Variants in PCSK5 observed in about 807,000 individuals in gnomAD.
PCSK5 encodes the protein prohormone convertase 5.
A neutral mutation model predicts 233.2 loss-of-function variants in PCSK5; 129 were observed. The ratio of observed to expected loss-of-function variants is 0.55; its 90% confidence interval spans 0.48 to 0.64. PCSK5 has a LOEUF of 0.64. Ranked by LOEUF, PCSK5 falls within the 30% of genes least tolerant of loss-of-function variation. The pLI, the probability that PCSK5 is intolerant of heterozygous loss-of-function variation, is 0.00. For missense variants in PCSK5, 2,076 were observed against 2,430.1 expected (o/e 0.85, Z 3.06); for synonymous variants, 825 against 879.2 (o/e 0.94, Z 1.09).
At chr9:76,188,548 TGTTTGAA>T (rs1564092742) in intron 17 of PCSK5, 23 bp from the exon 18 acceptor site, 2 of 1,472,468 alleles carry the variant, frequency 1.4e-6, no homozygotes, top group South Asian at 2.3e-5. Flanking sequence ...CACAACAGTC[TGTTTGAA>T]GCTCCCTTTA....
At chr9:76,008,309 A>G (rs535398196) in intron 3 of PCSK5, among the ~76,000 whole-genome samples, 155 of 152,028 alleles carry the variant, frequency 1.0e-3, no homozygotes, top group Non-Finnish European at 1.7e-3. Flanking sequence ...TAAAAATTTC[A>G]TAGTTTCTCT....
At chr9:75,957,092 A>C (rs1825127913) in intron 2 of PCSK5, among the ~76,000 whole-genome samples, 1 of 152,086 alleles carries the variant, frequency 6.6e-6, no homozygotes, top group Non-Finnish European at 1.5e-5. Flanking sequence ...CTTACCCATC[A>C]GCGAGTTATA....
intron 4 of PCSK5, among the ~76,000 whole-genome samples, 200 bp from the exon 5 acceptor site, chr9:76,026,761 G>A (rs1321605201): frequency 6.6e-6 from 1 of 152,094 alleles, no homozygotes; most frequent in Non-Finnish European, 1.5e-5. Flanking sequence ...CCTTAAGGGG[G>A]AAAAATATGG....
chr9:76,060,219 A>G (rs1258853948), intron 5 of PCSK5, among the ~76,000 whole-genome samples: 1 of 152,198 alleles, frequency 6.6e-6, no homozygotes, highest in African/African-American at 2.4e-5. Flanking sequence ...TATATCTTTT[A>G]ACTTCCCCCA....
At chr9:76,042,800 A>T (rs1330164559) in intron 5 of PCSK5, among the ~76,000 whole-genome samples, 1 of 152,214 alleles carries the variant, frequency 6.6e-6, no homozygotes, top group East Asian at 1.9e-4. Context: ...AAACTTACAT[A>T]AAGTATTAGC....
chr9:76,282,746 A>T (rs927798740), intron 24 of PCSK5, among the ~76,000 whole-genome samples: 1 of 152,154 alleles, frequency 6.6e-6, no homozygotes, highest in Admixed American at 6.5e-5. Context: ...TGAGCATAGT[A>T]CCCAATAGGT....
intron 36 of PCSK5, among the ~76,000 whole-genome samples, chr9:76,352,350 A>G (rs535794800): frequency 6.6e-6 from 1 of 152,284 alleles, no homozygotes; most frequent in Admixed American, 6.5e-5. Flanking sequence ...CTTTACTGCA[A>G]GCTGTTTTAT....
At chr9:75,998,848 C>T (rs142317981) in intron 3 of PCSK5, among the ~76,000 whole-genome samples, 92 of 152,214 alleles carry the variant, frequency 6.0e-4, no homozygotes, top group African/African-American at 2.1e-3. Flanking sequence ...CATTCATCAC[C>T]GAATAGCCTA....
intron 3 of PCSK5, among the ~76,000 whole-genome samples, chr9:76,003,843 CTG>C (rs1415553877): frequency 3.3e-5 from 5 of 152,066 alleles, no homozygotes; most frequent in African/African-American, 1.2e-4. Flanking sequence ...AGGTCTCACT[CTG>C]TCACCCAGGC....
intron 25 of PCSK5, among the ~76,000 whole-genome samples, 170 bp from the exon 26 acceptor site, chr9:76,295,105 G>T (rs1326917544): frequency 6.6e-6 from 1 of 152,052 alleles, no homozygotes; most frequent in African/African-American, 2.4e-5. Flanking sequence ...AGTGAGCCGA[G>T]ATCGACCACT....
At chr9:76,163,078 T>C (rs1822938640) in intron 12 of PCSK5, among the ~76,000 whole-genome samples, 1 of 152,194 alleles carries the variant, frequency 6.6e-6, no homozygotes, top group Non-Finnish European at 1.5e-5. Flanking sequence ...AGGACAGTGC[T>C]CTCCTTTTCA....
At chr9:75,893,999 C>A (rs557236355) in intron 1 of PCSK5, among the ~76,000 whole-genome samples, 1 of 152,182 alleles carries the variant, frequency 6.6e-6, no homozygotes. Flanking sequence ...CCTTTCAACA[C>A]TTTAGACATC....
chr9:76,229,872 G>A (rs1173495795), intron 21 of PCSK5, among the ~76,000 whole-genome samples: 2 of 152,162 alleles, frequency 1.3e-5, no homozygotes, highest in Non-Finnish European at 2.9e-5. Context: ...GTTTGGTCTG[G>A]AATGGTTCAC....
At chr9:76,285,220 T>C (rs1828026211) in intron 24 of PCSK5, among the ~76,000 whole-genome samples, 1 of 152,106 alleles carries the variant, frequency 6.6e-6, no homozygotes, top group South Asian at 2.1e-4. Context: ...AGCCCCTAGT[T>C]TGGTAGAGCA....
chr9:76,094,808 C>T (rs891371255), intron 7 of PCSK5, among the ~76,000 whole-genome samples: 2 of 152,030 alleles, frequency 1.3e-5, no homozygotes, highest in Non-Finnish European at 2.9e-5. Context: ...TAGAGTTTCC[C>T]CATGTTGGAC....
At chr9:75,995,198 A>AT (rs1419293029) in intron 3 of PCSK5, among the ~76,000 whole-genome samples, 8 of 152,156 alleles carry the variant, frequency 5.3e-5, no homozygotes, top group African/African-American at 1.7e-4. Flanking sequence ...TGTGTACTTA[A>AT]TGCAGTTATA....
intron 5 of PCSK5, among the ~76,000 whole-genome samples, chr9:76,040,285 A>G (rs1425595653): frequency 1.3e-5 from 2 of 150,974 alleles, no homozygotes; most frequent in Admixed American, 1.3e-4. Context: ...TATTAAGAGC[A>G]TAAGCCAAGT....
At chr9:76,134,755 G>A (rs952399903) in intron 10 of PCSK5, among the ~76,000 whole-genome samples, 2 of 152,022 alleles carry the variant, frequency 1.3e-5, no homozygotes, top group Non-Finnish European at 2.9e-5. Context: ...ATAATGTCCA[G>A]TCCTTATGCA....
intron 1 of PCSK5, among the ~76,000 whole-genome samples, chr9:75,898,217 G>A (rs1825889458): frequency 6.6e-6 from 1 of 152,160 alleles, no homozygotes; most frequent in African/African-American, 2.4e-5. Context: ...ATATACTCAA[G>A]TATGTGCCTC....
Sources: gnomAD v4.1 joint callset for allele counts (sites outside exome capture counted in the v4.1 genomes callset) on GRCh38, gnomAD v4.1.1 for gene constraint, MANE v1.5 for transcripts, NCBI Gene and HGNC (gene_info 2026-07-23, HGNC 2026-07-21) for gene names.